MEGF6: variants seen among roughly 807,000 people sequenced by gnomAD.
The protein encoded by MEGF6 is multiple EGF like domains 6.
A neutral mutation model predicts 207.1 loss-of-function variants in MEGF6; 184 were observed. The observed-to-expected ratio is 0.89, with a 90% CI of 0.79 to 1.00. The LOEUF is 1.00. Among genes scored for constraint, MEGF6 ranks in the 50% least tolerant of loss-of-function variants. The probability of loss-of-function intolerance (pLI) is 0.00; values close to 1 mark genes in which losing one functional copy is unlikely to be tolerated. For missense variants in MEGF6, 2,282 were observed against 2,202.9 expected (o/e 1.04, Z -0.72); for synonymous variants, 1,038 against 910.0 (o/e 1.14, Z -2.53).
chr1:3,561,657 G>T (rs550352073), intron 4 of MEGF6, among the ~76,000 whole-genome samples: 1 of 152,288 alleles, frequency 6.6e-6, no homozygotes, highest in East Asian at 1.9e-4. Context: ...GTTCCCGCCC[G>T]CATCCTGGGT....
At position 3,533,611 on chromosome 1, in the gene MEGF6, G is replaced by A. The variant is rs557958304; in HGVS notation, c.482-9365C>T. 3.7e-4 allele frequency among the ~76,000 whole-genome samples: 57 copies of A among 152,338 alleles called. 1 individual carries two copies. Among genetic ancestry groups the A allele is most frequent in the African/African-American group, 1.2e-3 (49 of 41,594 alleles). ...GTGCAGGGGAAGACACCAGAGGCCA[G>A]GCCTGCAAGGGCACGGGCTGCGGAG... On this transcript the variant is annotated intron_variant, in intron 4 of 36. Transcript: ENST00000356575.
At chr1:3,525,287 G>A (rs764572088) in intron 4 of MEGF6, among the ~76,000 whole-genome samples, 2 of 152,206 alleles carry the variant, frequency 1.3e-5, no homozygotes, top group Admixed American at 1.3e-4. Context: ...TTAGAACCAC[G>A]TGTCCTCAGG....
chr1:3,612,674 C>A (rs1644343403), upstream of MEGF6, among the ~76,000 whole-genome samples: 1 of 152,178 alleles, frequency 6.6e-6, no homozygotes, highest in African/African-American at 2.4e-5. Context: ...TTGGAACCTT[C>A]CCCCTCCAAG....
intron 4 of MEGF6, among the ~76,000 whole-genome samples, chr1:3,526,216 C>T (rs763729498): frequency 6.6e-6 from 1 of 152,176 alleles, no homozygotes; most frequent in Non-Finnish European, 1.5e-5. Context: ...GCCAGTAGTG[C>T]CCCGGCCAGA....
At chr1:3,595,732 T>A (rs549571399) in intron 2 of MEGF6, among the ~76,000 whole-genome samples, 7 of 152,136 alleles carry the variant, frequency 4.6e-5, no homozygotes, top group Non-Finnish European at 8.8e-5. Context: ...CCTGGCCCCC[T>A]CCCTCCCGAC....
At chr1:3,587,669 T>C (rs1445463462) in intron 3 of MEGF6, among the ~76,000 whole-genome samples, 1 of 152,164 alleles carries the variant, frequency 6.6e-6, no homozygotes, top group Admixed American at 6.5e-5. Context: ...AAGTCTGACA[T>C]TGTGGAAAGA....
At chr1:3,509,402 T>A (rs986506174) in intron 11 of MEGF6, among the ~76,000 whole-genome samples, 157 bp from the exon 12 acceptor site, 1 of 150,718 alleles carries the variant, frequency 6.6e-6, no homozygotes, top group Non-Finnish European at 1.5e-5. Context: ...GTCCCAGGGG[T>A]CATCCCAGCT....
intron 3 of MEGF6, 140 bp downstream of exon 3, chr1:3,595,198 G>T: frequency 1.6e-6 from 1 of 607,844 alleles, no homozygotes. Flanking sequence ...GGCAAACGGC[G>T]TTGCTGAGCG....
intron 5 of MEGF6, among the ~76,000 whole-genome samples, chr1:3,523,074 C>CA (rs762180190): frequency 1.4e-5 from 2 of 147,998 alleles, no homozygotes; most frequent in African/African-American, 5.0e-5. Flanking sequence ...GAGTGTGTGC[C>CA]GGGGGGGGGG....
At chr1:3,531,095 C>A in intron 4 of MEGF6, 1 of 1,526,352 alleles carries the variant, frequency 6.6e-7, no homozygotes, top group Admixed American at 2.1e-5. Context: ...CTCTGGTCAC[C>A]GGCGCTCACG....
intron 4 of MEGF6, among the ~76,000 whole-genome samples, chr1:3,554,058 T>C (rs1313440371): frequency 3.3e-5 from 5 of 152,128 alleles, no homozygotes; most frequent in Non-Finnish European, 7.4e-5. Context: ...GGGGCCCACA[T>C]GCCTCCTGGT....
Position 3,556,948 on chromosome 1 carries a change from T to C in MEGF6, c.481+22877A>G, listed in dbSNP as rs1039294583. 5.3e-5 allele frequency among the ~76,000 whole-genome samples: 8 copies of C among 152,280 alleles called. No homozygotes were observed. The highest frequency in any genetic ancestry group is 1.4e-4 in the African/African-American group (6 of 41,562). On this transcript the variant is annotated intron_variant, in intron 4 of 36. Transcript: ENST00000356575. The surrounding 1 kb of genome is among the most constrained non-coding windows in gnomAD (Gnocchi z 4.4). ...GACCTAGGAAGCCGATCCCGGCTTA[T>C]CTGGGGGGCCTGGTGGAATCACATG...
intron 1 of MEGF6, among the ~76,000 whole-genome samples, chr1:3,610,213 T>C (rs573097982): frequency 6.6e-6 from 1 of 152,146 alleles, no homozygotes; most frequent in Admixed American, 6.5e-5. Context: ...TTGGACCCCC[T>C]CCTCTTCACC....
At chr1:3,566,081 G>T (rs757774516) in intron 4 of MEGF6, among the ~76,000 whole-genome samples, 4 of 152,202 alleles carry the variant, frequency 2.6e-5, no homozygotes, top group Admixed American at 2.6e-4. Context: ...AGACCCCTGA[G>T]GCCAGCACCG....
chr1:3,609,305 T>C (rs895123467), intron 1 of MEGF6, among the ~76,000 whole-genome samples: 1 of 152,206 alleles, frequency 6.6e-6, no homozygotes, highest in Non-Finnish European at 1.5e-5. Flanking sequence ...TGGGGACCTC[T>C]CCAGGGTCCA....
chr1:3,501,155 G>A, intron 19 of MEGF6, 22 bp downstream of exon 19: 2 of 1,612,580 alleles, frequency 1.2e-6, no homozygotes, highest in Non-Finnish European at 1.7e-6. Flanking sequence ...CAAAGGCTCA[G>A]GGGCAGCTCC....
At chr1:3,514,749 T>A in intron 6 of MEGF6, 77 bp from the exon 7 acceptor site, 1 of 1,437,156 alleles carries the variant, frequency 7.0e-7, no homozygotes. Flanking sequence ...CCAGGCTTCT[T>A]GTGAGACCCC....
chr1:3,519,757 C>CCCGGG (rs1181779425), intron 5 of MEGF6, among the ~76,000 whole-genome samples: 35 of 152,362 alleles, frequency 2.3e-4, no homozygotes, highest in African/African-American at 8.2e-4. Context: ...AGCCTCCCCT[C>CCCGGG]CCGGGCCGGG....
At position 3,499,014 on chromosome 1, in the gene MEGF6, G is replaced by C; in HGVS notation, c.3094+124C>G. 3 of 1,439,144 alleles carry C rather than the reference G, an allele frequency of 2.1e-6. No homozygotes were observed. The South Asian group carries it at 3.9e-5, about 19-fold the overall frequency. 89.1% of individuals were successfully genotyped at this position (1,439,144 alleles called of 1,614,324 possible). On this transcript the variant is annotated intron_variant, in intron 24 of 36. Coordinates refer to ENST00000356575, the MANE Select transcript of MEGF6 (RefSeq NM_001409.4). ...GAGAGGGGCACAGGTGAAAGGCACG[G>C]TCCTCAGTCCTAACAGCCCCTTCCT...
Sources: gnomAD v4.1 joint callset for allele counts (sites outside exome capture counted in the v4.1 genomes callset) on GRCh38, gnomAD v4.1.1 for gene constraint, Gnocchi (gnomAD v3.1) non-coding constraint, MANE v1.5 for transcripts, NCBI Gene and HGNC (gene_info 2026-07-23, HGNC 2026-07-21) for gene names.